NEK10: variants seen among roughly 807,000 people sequenced by gnomAD.
NEK10 encodes the protein serine/threonine-protein kinase Nek10.
NEK10 carries 122 observed loss-of-function variants against 159.8 expected under a neutral mutation model. The ratio of observed to expected loss-of-function variants is 0.76; its 90% CI spans 0.66 to 0.89. The LOEUF is 0.89. Among genes scored for constraint, NEK10 ranks in the 40% least tolerant of loss-of-function variants. The pLI, the probability that NEK10 is intolerant of heterozygous loss-of-function variation, is 0.00. For synonymous variants in NEK10, 466 were observed against 457.1 expected (o/e 1.02, Z -0.25); for missense variants, 1,342 against 1,323.1 (o/e 1.01, Z -0.22).
chr3:27,280,890 A>G (rs2042105199), intron 22 of NEK10, among the ~76,000 whole-genome samples: 2 of 145,548 alleles, frequency 1.4e-5, no homozygotes, highest in Admixed American at 6.9e-5. Flanking sequence ...GTGTGTGTAT[A>G]TGTGTGTGTA....
intron 6 of NEK10, among the ~76,000 whole-genome samples, chr3:27,318,540 C>A (rs1370601144): frequency 6.6e-6 from 1 of 152,186 alleles, no homozygotes; most frequent in Non-Finnish European, 1.5e-5. Context: ...TAAGAATACA[C>A]AAGTACACAT....
intron 1 of NEK10, among the ~76,000 whole-genome samples, chr3:27,354,077 C>T (rs544770327): frequency 7.9e-5 from 12 of 152,292 alleles, no homozygotes; most frequent in South Asian, 2.1e-4. Flanking sequence ...TAACTTTACT[C>T]TTCCCTCAAA....
At chr3:27,165,954 C>T (rs1184408368) in intron 29 of NEK10, among the ~76,000 whole-genome samples, 1 of 152,156 alleles carries the variant, frequency 6.6e-6, no homozygotes, top group African/African-American at 2.4e-5. Flanking sequence ...ACAAAGAAAA[C>T]ATTTTCAAAT....
At chr3:27,235,130 A>G (rs931078495) in intron 23 of NEK10, among the ~76,000 whole-genome samples, 1 of 152,144 alleles carries the variant, frequency 6.6e-6, no homozygotes, top group East Asian at 1.9e-4. Flanking sequence ...TGGATTAAAG[A>G]CTTAAATCTA....
Position 27,279,132 on chromosome 3 carries a change from T to G in NEK10, c.2014+5470A>C, listed in dbSNP as rs531877504. ...TCAAAGCAAACTCCTGCCAGCATGC[T>G]TACTATAAATAAGTGCAAACCAACC... On this transcript the variant is annotated intron_variant, in intron 22 of 35. Transcript: ENST00000691995. Among the ~76,000 whole-genome samples, 3 of 152,202 alleles carry G rather than the reference T, an allele frequency of 2.0e-5. No homozygotes were observed. In the South Asian group the frequency reaches 6.3e-4, roughly 32 times the overall value.
At chr3:27,216,729 T>A (rs924261916) in intron 23 of NEK10, among the ~76,000 whole-genome samples, 5 of 152,190 alleles carry the variant, frequency 3.3e-5, no homozygotes, top group African/African-American at 7.2e-5. Context: ...TAAAAGAGAT[T>A]CCTCCCATTC....
At chr3:27,127,532 A>C (rs1421827075) in intron 32 of NEK10, among the ~76,000 whole-genome samples, 1 of 152,156 alleles carries the variant, frequency 6.6e-6, no homozygotes, top group Non-Finnish European at 1.5e-5. Context: ...ACTGTATTAA[A>C]TACTGTAGGC....
chr3:27,138,652 T>C (rs10510590), intron 31 of NEK10, among the ~76,000 whole-genome samples: 33,389 of 152,086 alleles, frequency 0.22, 4,070 homozygotes, highest in African/African-American at 0.34. Flanking sequence ...CAGATACAGG[T>C]TTTAGGAATG....
intron 1 of NEK10, among the ~76,000 whole-genome samples, chr3:27,359,031 G>A (rs552458117): frequency 3.3e-5 from 5 of 152,046 alleles, no homozygotes; most frequent in East Asian, 3.9e-4. Flanking sequence ...GTGAAACACC[G>A]TCTCTACTAA....
intron 15 of NEK10, 101 bp downstream of exon 15, chr3:27,295,512 C>T (rs147445709): frequency 2.1e-6 from 3 of 1,413,786 alleles, no homozygotes; most frequent in African/African-American, 2.9e-5. Context: ...AGTACAGGGA[C>T]CAGTACTAAC....
intron 23 of NEK10, among the ~76,000 whole-genome samples, chr3:27,237,969 C>A (rs1166928102): frequency 6.6e-6 from 1 of 152,150 alleles, no homozygotes; most frequent in African/African-American, 2.4e-5. Flanking sequence ...GAGCTGCATA[C>A]AGCAGAAAGG....
Position 27,304,946 on chromosome 3 carries a change from G to T in NEK10, c.829C>A (p.Leu277Ile), listed in dbSNP as rs747494687. ...TCTTTCACCTGGGGCTCTGCACAAA[G>T]TAGGCGCAGCAACTCCGCTGTTAGT... Reference protein sequence around the residue: ...KRLTAELLRLLCAEPQVKEQV... With the variant: ...KRLTAELLRLICAEPQVKEQV... The change falls in exon 12 of 36, where the codon CTT (leucine) becomes ATT (isoleucine). Residue 277 changes from leucine (L) to isoleucine (I), a missense_variant. Transcript: ENST00000691995. 5 of 1,612,748 alleles carry T rather than the reference G, an allele frequency of 3.1e-6. No individual in the cohort carries two copies. The South Asian group carries it at 4.4e-5, about 14-fold the overall frequency.
intron 30 of NEK10, chr3:27,143,409 C>T (rs965911904): frequency 1.2e-5 from 9 of 736,604 alleles, no homozygotes; most frequent in Middle Eastern, 4.6e-4. Context: ...TCTGTGATGA[C>T]ATTTTGAATG....
intron 23 of NEK10, among the ~76,000 whole-genome samples, chr3:27,248,470 T>A (rs1955320322): frequency 6.6e-6 from 1 of 152,188 alleles, no homozygotes; most frequent in Non-Finnish European, 1.5e-5. Flanking sequence ...TTGAAGTTTT[T>A]CTTCTTTTTG....
intron 23 of NEK10, among the ~76,000 whole-genome samples, chr3:27,231,924 G>A (rs2100006): frequency 0.64 from 96,500 of 151,722 alleles, 33,029 homozygotes; most frequent in African/African-American, 0.91. Flanking sequence ...AAGAATTGGT[G>A]TTGATTCTAC....
chr3:27,350,252 C>T lies in NEK10; in HGVS notation c.132+2213G>A, dbSNP rs546158396. Among the ~76,000 whole-genome samples, 272 of 152,250 alleles carry T rather than the reference C, an allele frequency of 1.8e-3. 1 individual carries two copies. The highest frequency in any genetic ancestry group is 2.8e-3 in the Non-Finnish European group (192 of 67,998). On this transcript the variant is annotated intron_variant, in intron 3 of 35. Coordinates refer to ENST00000691995, the MANE Select transcript of NEK10 (RefSeq NM_001394966.1). Reference sequence around the variant, plus strand: ...TTTGTTGAGCATTTCTGCTTGACCCCAACTCTACTTTGCTCCCAACCCTTG... The same window carrying T: ...TTTGTTGAGCATTTCTGCTTGACCCTAACTCTACTTTGCTCCCAACCCTTG...
At chr3:27,209,316 CT>C (rs1265752629) in intron 23 of NEK10, among the ~76,000 whole-genome samples, 1 of 152,142 alleles carries the variant, frequency 6.6e-6, no homozygotes, top group Non-Finnish European at 1.5e-5. Context: ...TTTAAGTCAT[CT>C]TTATTCTAGA....
At chr3:27,337,519 A>G (rs1309735754) in intron 5 of NEK10, among the ~76,000 whole-genome samples, 1 of 152,148 alleles carries the variant, frequency 6.6e-6, no homozygotes, top group African/African-American at 2.4e-5. Context: ...AGAACAAAGC[A>G]GGACCCATCA....
chr3:27,346,103 A>G lies in NEK10; in HGVS notation c.246T>C (p.Val82=), dbSNP rs2047532703. The G allele has an allele frequency of 6.2e-7, 1 of 1,613,580 alleles. No homozygotes were observed. Among genetic ancestry groups the G allele is most frequent in the Non-Finnish European group, 8.5e-7 (1 of 1,179,686 alleles). ...RGQWHESTEA[V]ELENFSINYK... ...TTTCTTACCTAAAATTTTCAAGTTC[A>G]ACAGCTTCTGTGGATTCATGCCACT... The change falls in exon 4 of 36, where the codon GTT becomes GTC. Residue 82 remains valine (V), a synonymous_variant. Transcript: ENST00000691995.
Sources: allele counts gnomAD v4.1 joint callset (sites outside exome capture counted in the v4.1 genomes callset), GRCh38; gene constraint gnomAD v4.1.1; transcripts MANE v1.5; gene names NCBI Gene and HGNC (gene_info 2026-07-23, HGNC 2026-07-21).